The following TXNRD3 variants were observed in gnomAD, a reference collection of about 807,000 sequenced individuals.
The protein encoded by TXNRD3 is thioredoxin reductase 3.
TXNRD3 carries 68 observed loss-of-function variants against 78.2 expected under a neutral mutation model. That is an observed-to-expected ratio of 0.87 (90% CI 0.72 to 1.06). The LOEUF (loss-of-function observed/expected upper bound fraction) is 1.06, where lower values mean the gene tolerates loss of function less well. Ranked by LOEUF, TXNRD3 falls within the 50% of genes least tolerant of loss-of-function variation. The probability of loss-of-function intolerance (pLI) is 0.00; values close to 1 mark genes in which losing one functional copy is unlikely to be tolerated. For synonymous variants in TXNRD3, 296 were observed against 300.1 expected (o/e 0.99, Z 0.14); for missense variants, 751 against 809.5 (o/e 0.93, Z 0.88).
At chr3:126,611,202 A>G (rs1307882295) in intron 13 of TXNRD3, 70 bp from the exon 14 acceptor site, 36 of 1,002,394 alleles carry the variant, frequency 3.6e-5, no homozygotes, top group Non-Finnish European at 5.0e-5. Flanking sequence ...AGGCTCTTTA[A>G]TTCTATAAAG....
At chr3:126,619,692 C>CA (rs1277588791) in intron 12 of TXNRD3, among the ~76,000 whole-genome samples, 1 of 152,050 alleles carries the variant, frequency 6.6e-6, no homozygotes, top group Admixed American at 6.6e-5. Flanking sequence ...TGCATATTTC[C>CA]AAAAAGCTAA....
In TXNRD3 at chr3:126,629,476, TA is replaced by T; in HGVS notation, c.1198-6del. 1 of 1,531,758 alleles carries T rather than the reference TA, an allele frequency of 6.5e-7. No individual in the cohort carries two copies. The highest frequency in any genetic ancestry group is 8.7e-7 in the Non-Finnish European group (1 of 1,143,238). The allele number at this position is 1,531,758 out of a possible 1,614,324, so 94.9% of individuals were successfully genotyped here. A position where few individuals can be genotyped will look rare whatever the true frequency, so the allele number is the denominator to read the frequency against. On this transcript the variant is annotated splice_region_variant and splice_polypyrimidine_tract_variant and intron_variant, in intron 9 of 15. Coordinates refer to ENST00000524230, the MANE Select transcript of TXNRD3 (RefSeq NM_052883.3). ...ACCTTTCTCCAACTGTTGAACCTAG[TA>T]AGAATGAAGAGTGTAATGATGTTAT...
rs191196754 is a variant in TXNRD3 at position 126,617,080 on chromosome 3, T to C, written c.1525-1618A>G. ...CCTCATTCTTAATAGATGCCTTTGTTTCCTGTTTCATATCAACTAAGAAAA... is the reference window on the plus strand; with the variant it reads ...CCTCATTCTTAATAGATGCCTTTGTCTCCTGTTTCATATCAACTAAGAAAA... On this transcript the variant is annotated intron_variant, in intron 12 of 15. Transcript: ENST00000524230. 9.2e-5 allele frequency among the ~76,000 whole-genome samples: 14 copies of C among 152,320 alleles called. No homozygotes were observed. The East Asian group carries it at 2.3e-3, about 25-fold the overall frequency.
intron 7 of TXNRD3, among the ~76,000 whole-genome samples, chr3:126,633,695 TAA>T (rs1938780335): frequency 1.3e-5 from 2 of 152,178 alleles, no homozygotes; most frequent in Non-Finnish European, 2.9e-5. Flanking sequence ...AATTTTTAAT[TAA>T]GAGTTCTTTA....
intron 13 of TXNRD3, 36 bp from the exon 14 acceptor site, chr3:126,611,168 T>A: frequency 7.5e-7 from 1 of 1,327,462 alleles, no homozygotes; most frequent in Non-Finnish European, 1.0e-6. Context: ...GCAGAATTAA[T>A]GTATATGGAA....
intron 6 of TXNRD3, among the ~76,000 whole-genome samples, chr3:126,638,234 C>T (rs1050997321): frequency 2.0e-5 from 3 of 152,082 alleles, no homozygotes; most frequent in East Asian, 3.9e-4. Flanking sequence ...TGAGCCACCA[C>T]GTCCAGCCTA....
Position 126,611,126 on chromosome 3 carries a change from G to A in TXNRD3, c.1639C>T (p.His547Tyr). Residue 547 changes from histidine to tyrosine, a missense_variant, in exon 14 of 16, where the codon CAT becomes TAT. Coordinates refer to ENST00000524230, the MANE Select transcript of TXNRD3 (RefSeq NM_052883.3). The stretch of plus-strand genomic sequence containing the variant: ...CATTCAAGAGGCCAGAACAAAGTAT[G>A]ATATATCTGGAAGATAAAAGAGAGA... The A allele has an allele frequency of 6.6e-7, 1 of 1,513,638 alleles. No individual in the cohort carries two copies. Among genetic ancestry groups the A allele is most frequent in the Non-Finnish European group, 8.8e-7 (1 of 1,134,976 alleles). 93.8% of individuals were successfully genotyped at this position (1,513,638 alleles called of 1,614,324 possible). A position where few individuals can be genotyped will look rare whatever the true frequency, so the allele number is the denominator to read the frequency against.
Position 126,640,168 on chromosome 3 carries a change from G to C in TXNRD3, c.712+1864C>G, listed in dbSNP as rs868099947. Among the ~76,000 whole-genome samples, 4 of 8,066 alleles carry C rather than the reference G, an allele frequency of 5.0e-4. 1 individual carries two copies. The highest frequency in any genetic ancestry group is 5.7e-4 in the African/African-American group (3 of 5,296). 5.3% of individuals were successfully genotyped at this position (8,066 alleles called of 152,430 possible). A position where few individuals can be genotyped will look rare whatever the true frequency, so the allele number is the denominator to read the frequency against. The stretch of plus-strand genomic sequence containing the variant: ...CGCCCAGGCTGGAGTGCAGTGGCGC[G>C]ATCTCGGCTCACTGCAAGCTCCGCC... On this transcript the variant is annotated intron_variant, in intron 6 of 15. Transcript: ENST00000524230.
In TXNRD3 at chr3:126,611,147, A is replaced by C; in HGVS notation, c.1633-15T>G. On this transcript the variant is annotated splice_polypyrimidine_tract_variant and intron_variant, in intron 13 of 15. Transcript: ENST00000524230. ...GTATGATATATCTGGAAGATAAAAG[A>C]GAGAAAAAGGGCAGAATTAATGTAT... The C allele has an allele frequency of 6.8e-7, 1 of 1,476,616 alleles. No individual in the cohort carries two copies. The highest frequency in any genetic ancestry group is 9.0e-7 in the Non-Finnish European group (1 of 1,107,778). The allele number at this position is 1,476,616 out of a possible 1,614,324, so 91.5% of individuals were successfully genotyped here. A position where few individuals can be genotyped will look rare whatever the true frequency, so the allele number is the denominator to read the frequency against.
intron 13 of TXNRD3, among the ~76,000 whole-genome samples, chr3:126,611,922 A>G (rs796574): frequency 0.2 from 30,413 of 152,210 alleles, 3,297 homozygotes; most frequent in Admixed American, 0.29. Flanking sequence ...GAGTTAAAAC[A>G]AAATTTTTAT....
At chr3:126,636,416 G>A (rs1319187764) in intron 6 of TXNRD3, among the ~76,000 whole-genome samples, 1 of 152,086 alleles carries the variant, frequency 6.6e-6, no homozygotes, top group Non-Finnish European at 1.5e-5. Context: ...TCTGATTCTT[G>A]ACTTAATTAA....
chr3:126,625,607 A>G (rs1938562413), intron 10 of TXNRD3, among the ~76,000 whole-genome samples: 1 of 152,094 alleles, frequency 6.6e-6, no homozygotes, highest in Non-Finnish European at 1.5e-5. Context: ...TAGTGCTGCA[A>G]TAAACATACG....
chr3:126,620,795 T>G (rs1189056305), intron 12 of TXNRD3, among the ~76,000 whole-genome samples: 1 of 152,202 alleles, frequency 6.6e-6, no homozygotes, highest in Non-Finnish European at 1.5e-5. Context: ...CCTTCCCAAT[T>G]GTACTTCCCT....
chr3:126,608,489 T>G lies in TXNRD3; in HGVS notation c.1863+10A>C. ...ACTGAAGCCAATTTTTAAAACCTCC[T>G]GTTTCCTACCTCCCCACATGTGGGG... is the stretch of plus-strand genomic sequence containing the variant. On this transcript the variant is annotated intron_variant, in intron 15 of 15. Transcript: ENST00000524230. 3.9e-6 allele frequency: 6 copies of G among 1,522,108 alleles called. No individual in the cohort carries two copies. The highest frequency in any genetic ancestry group is 1.4e-5 in the African/African-American group (1 of 72,470). The allele number at this position is 1,522,108 out of a possible 1,614,324, so 94.3% of individuals were successfully genotyped here.
chr3:126,608,543 G>A lies in TXNRD3; in HGVS notation c.1819C>T (p.Gln607Ter), dbSNP rs931017782. Residue 607 changes from glutamine (Q) to a stop codon, truncating the protein, a stop_gained, in exon 15 of 16, where the codon CAG becomes TAG. Coordinates refer to ENST00000524230, the MANE Select transcript of TXNRD3 (RefSeq NM_052883.3). LOFTEE classifies it high-confidence loss of function. ...ATTCCAATGGTGTCATCAAGTAGCT[G>A]TTTTGTGAGCCCACATTTCATTGCA... 12 of 1,535,978 alleles carry A rather than the reference G, an allele frequency of 7.8e-6. No homozygotes were observed. The highest frequency in any genetic ancestry group is 9.6e-6 in the Non-Finnish European group (11 of 1,146,844).
intron 6 of TXNRD3, among the ~76,000 whole-genome samples, chr3:126,636,242 A>G (rs965000988): frequency 2.6e-5 from 4 of 152,134 alleles, no homozygotes; most frequent in Non-Finnish European, 4.4e-5. Flanking sequence ...TTCTTGTTTA[A>G]TCTTTTATAT....
intron 2 of TXNRD3, among the ~76,000 whole-genome samples, chr3:126,646,655 T>TA (rs1933240442): frequency 6.6e-6 from 1 of 152,220 alleles, no homozygotes; most frequent in African/African-American, 2.4e-5. Context: ...GACTACCTTA[T>TA]TGGTAAACCC....
At chr3:126,653,357 T>C (rs574602876) in intron 1 of TXNRD3, among the ~76,000 whole-genome samples, 2 of 152,206 alleles carry the variant, frequency 1.3e-5, no homozygotes, top group Admixed American at 6.5e-5. Context: ...AATAAGTCAG[T>C]ACAAACAACT....
At chr3:126,614,437 T>G (rs953553118) in intron 13 of TXNRD3, among the ~76,000 whole-genome samples, 70 of 152,292 alleles carry the variant, frequency 4.6e-4, no homozygotes, top group African/African-American at 1.6e-3. Context: ...TCAGAAAGTT[T>G]TAAAACTAAA....
Sources: gnomAD v4.1 joint callset for allele counts (sites outside exome capture counted in the v4.1 genomes callset) on GRCh38, gnomAD v4.1.1 for gene constraint, MANE v1.5 for transcripts, NCBI Gene and HGNC (gene_info 2026-07-23, HGNC 2026-07-21) for gene names.